Variants in SCCPDH observed in about 807,000 individuals in gnomAD.
The protein encoded by SCCPDH is saccharopine dehydrogenase (putative).
SCCPDH carries 34 observed loss-of-function variants against 51.5 expected under a neutral mutation model. The ratio of observed to expected loss-of-function variants is 0.66; its 90% confidence interval spans 0.50 to 0.88. SCCPDH has a LOEUF of 0.88. Ranked by LOEUF, SCCPDH falls within the 40% of genes least tolerant of loss-of-function variation. SCCPDH has a pLI of 0.00. For missense variants in SCCPDH, 464 were observed against 527.1 expected, an observed-to-expected ratio of 0.88 and a Z score of 1.17; for synonymous variants, 187 against 191.3, an observed-to-expected ratio of 0.98 and a Z score of 0.19.
chr1:246,740,153 C>T lies in SCCPDH; in HGVS notation c.385-19C>T. 6.5e-7 allele frequency: 1 copy of T among 1,548,588 alleles called. No individual in the cohort carries two copies. Among genetic ancestry groups the T allele is most frequent in the African/African-American group, 1.4e-5 (1 of 73,046 alleles). ...TCTTTCTGCATAACTAATTAAAATT[C>T]TTATCCTGGATTTTTTAGTTTCTGG... On this transcript the variant is annotated intron_variant, in intron 3 of 11. Coordinates refer to ENST00000366510, the MANE Select transcript of SCCPDH (RefSeq NM_016002.3).
intron 5 of SCCPDH, among the ~76,000 whole-genome samples, chr1:246,745,322 A>G (rs1009256813): frequency 1.3e-5 from 2 of 152,268 alleles, no homozygotes; most frequent in Non-Finnish European, 2.9e-5. Context: ...ATTTGTTCTA[A>G]ATTATATTCA....
intron 5 of SCCPDH, among the ~76,000 whole-genome samples, chr1:246,745,950 T>C (rs1417938114): frequency 6.6e-6 from 1 of 151,112 alleles, no homozygotes; most frequent in Non-Finnish European, 1.5e-5. Flanking sequence ...CTACTAAAAA[T>C]ACAAAAAATT....
rs764837526 is a variant in SCCPDH at position 246,767,345 on chromosome 1, G to C, written c.*45G>C. The C allele has an allele frequency of 8.8e-7, 1 of 1,135,938 alleles. No individual in the cohort carries two copies. The highest frequency in any genetic ancestry group is 2.7e-5 in the East Asian group (1 of 37,122). The allele number at this position is 1,135,938 out of a possible 1,614,324, so 70.4% of individuals were successfully genotyped here. ...AAGTCATAACGTGCGTGAATTAACA[G>C]CTTCTCTATTTGATATTTGAAATTC... On this transcript the variant is annotated 3_prime_UTR_variant, in exon 12 of 12. Transcript: ENST00000366510.
rs748923863 is a variant in SCCPDH, at chr1:246,740,229, A to G, written c.442A>G (p.Ile148Val). The change falls in exon 4 of 12, where the codon ATC becomes GTC. Residue 148 changes from isoleucine (I) to valine (V), a missense_variant. Coordinates refer to ENST00000366510, the MANE Select transcript of SCCPDH (RefSeq NM_016002.3). ...GAAAGCTGCAGACAAAGGGGTTTAT[A>G]TCATTGGAAGCAGCGGCTTTGACTC... The part of the protein sequence containing the change: ...HEKAADKGVY[I>V]IGSSGFDSIP... The G allele has an allele frequency of 1.2e-6, 2 of 1,610,410 alleles. No homozygotes were observed. The highest frequency in any genetic ancestry group is 2.7e-5 in the African/African-American group (2 of 74,916).
chr1:246,762,055 T>A (rs796827106), intron 9 of SCCPDH, among the ~76,000 whole-genome samples: 10 of 152,362 alleles, frequency 6.6e-5, no homozygotes, highest in African/African-American at 2.4e-4. Context: ...CCGACATCTG[T>A]TATTTTCTGT....
chr1:246,759,106 A>C lies in SCCPDH; in HGVS notation c.768A>C (p.Val256=). The change falls in exon 7 of 12, where the codon GTA becomes GTC. Residue 256 remains valine, a synonymous_variant. Coordinates refer to ENST00000366510, the MANE Select transcript of SCCPDH (RefSeq NM_016002.3). ...TTATGGGATCTGATGTGTCTGTTGT[A>C]AGGAGGACTCAACGTTACTTGTATG... ...IPFMGSDVSV[V]RRTQRYLYEN... 6.2e-7 allele frequency: 1 copy of C among 1,608,962 alleles called. No individual in the cohort carries two copies.
intron 4 of SCCPDH, 117 bp downstream of exon 4, chr1:246,740,418 A>G (rs1167909457): frequency 6.3e-6 from 5 of 788,212 alleles, no homozygotes; most frequent in Admixed American, 2.7e-5. Flanking sequence ...ATAAATGGGT[A>G]ATATTAAACA....
intron 1 of SCCPDH, 34 bp downstream of exon 1, chr1:246,724,646 C>T (rs1668359877): frequency 1.4e-6 from 2 of 1,424,338 alleles, no homozygotes; most frequent in Non-Finnish European, 1.8e-6. Context: ...GCTGCGCGGG[C>T]GGCTGGGCCG....
Position 246,724,415 on chromosome 1 carries a change from G to T in SCCPDH, c.-8G>T, listed in dbSNP as rs761760831. 1.9e-6 allele frequency: 3 copies of T among 1,558,600 alleles called. No homozygotes were observed. The highest frequency in any genetic ancestry group is 1.2e-5 in the South Asian group (1 of 84,592). On this transcript the variant is annotated 5_prime_UTR_variant, in exon 1 of 12. Transcript: ENST00000366510. ...CGCCCCGGGGCCTGGGCTCGCTGTG[G>T]ACTCGTCATGGCGACCGAGCAGAGG... is the stretch of plus-strand genomic sequence containing the variant.
At chr1:246,766,035 C>T in intron 10 of SCCPDH, 23 bp from the exon 11 acceptor site, 2 of 1,532,790 alleles carry the variant, frequency 1.3e-6, no homozygotes, top group Non-Finnish European at 1.8e-6. Flanking sequence ...CTTTCTTTTT[C>T]CCTGATCAAC....
Position 246,766,045 on chromosome 1 carries a change from CT to C in SCCPDH, c.1103-12del. ...GATTCCTTTCTTTTTCCCTGATCAA[CT>C]GTTTTCTGCAGAGGCTGGCTATGTG... On this transcript the variant is annotated splice_polypyrimidine_tract_variant and intron_variant, in intron 10 of 11. Transcript: ENST00000366510. 8 of 1,581,772 alleles carry C rather than the reference CT, an allele frequency of 5.1e-6. No individual in the cohort carries two copies. Among genetic ancestry groups the C allele is most frequent in the Non-Finnish European group, 6.9e-6 (8 of 1,161,830 alleles).
In SCCPDH at chr1:246,740,372, G is replaced by C. The variant is rs141880170; in HGVS notation, c.514+71G>C. On this transcript the variant is annotated intron_variant, in intron 4 of 11. Coordinates refer to ENST00000366510, the MANE Select transcript of SCCPDH (RefSeq NM_016002.3). ...CAAAGGCTTCATGTTTCTAACTGTGGTGAACTAAAATCTAGTTGAAAAAAG... is the reference window on the plus strand; with the variant it reads ...CAAAGGCTTCATGTTTCTAACTGTGCTGAACTAAAATCTAGTTGAAAAAAG... 1.8e-4 allele frequency: 240 copies of C among 1,330,612 alleles called. 1 individual carries two copies. In the East Asian group the frequency reaches 5.7e-3, roughly 31 times the overall value. 82.4% of individuals were successfully genotyped at this position (1,330,612 alleles called of 1,614,324 possible). A position where few individuals can be genotyped will look rare whatever the true frequency, so the allele number is the denominator to read the frequency against.
At chr1:246,739,761 C>T (rs192312302) in intron 3 of SCCPDH, among the ~76,000 whole-genome samples, 1 of 152,272 alleles carries the variant, frequency 6.6e-6, no homozygotes, top group Admixed American at 6.5e-5. Flanking sequence ...CATTATTCCC[C>T]TGTGCCCTCT....
chr1:246,732,621 CA>C (rs1400433346), intron 2 of SCCPDH, among the ~76,000 whole-genome samples: 5 of 152,166 alleles, frequency 3.3e-5, no homozygotes, highest in African/African-American at 1.2e-4. Flanking sequence ...CTCCTGACCT[CA>C]GGTGATCCAC....
intron 2 of SCCPDH, among the ~76,000 whole-genome samples, chr1:246,733,513 CT>C (rs1668525469): frequency 6.7e-6 from 1 of 150,284 alleles, no homozygotes; most frequent in African/African-American, 2.5e-5. Flanking sequence ...CACACACACA[CT>C]TTTTTTCTTA....
At chr1:246,730,643 G>C (rs1400063052) in intron 2 of SCCPDH, among the ~76,000 whole-genome samples, 1 of 152,220 alleles carries the variant, frequency 6.6e-6, no homozygotes, top group Non-Finnish European at 1.5e-5. Flanking sequence ...ACCGTTAACG[G>C]AACGTCATGT....
chr1:246,763,935 G>C (rs535996420), intron 9 of SCCPDH, among the ~76,000 whole-genome samples: 1 of 151,578 alleles, frequency 6.6e-6, no homozygotes. Context: ...TTGTCTTGTC[G>C]CCTCAAATAG....
chr1:246,767,135 G>C lies in SCCPDH; in HGVS notation c.1185-60G>C, dbSNP rs184131024. On this transcript the variant is annotated intron_variant, in intron 11 of 11. Coordinates refer to ENST00000366510, the MANE Select transcript of SCCPDH (RefSeq NM_016002.3). ...CTGTAGCAATTTGATAGTGAGGCCTGTGAAATAGGAGACTGGAGAGGAGCT... is the reference window on the plus strand; with the variant it reads ...CTGTAGCAATTTGATAGTGAGGCCTCTGAAATAGGAGACTGGAGAGGAGCT... 5 of 1,208,918 alleles carry C rather than the reference G, an allele frequency of 4.1e-6. No individual in the cohort carries two copies. In the African/African-American group the frequency reaches 7.7e-5, roughly 19 times the overall value. The allele number at this position is 1,208,918 out of a possible 1,614,324, so 74.9% of individuals were successfully genotyped here. A position where few individuals can be genotyped will look rare whatever the true frequency, so the allele number is the denominator to read the frequency against.
At position 246,724,567 on chromosome 1, in the gene SCCPDH, C is replaced by G; in HGVS notation, c.145C>G (p.Arg49Gly). 6.5e-7 allele frequency: 1 copy of G among 1,535,022 alleles called. No homozygotes were observed. The highest frequency in any genetic ancestry group is 8.7e-7 in the Non-Finnish European group (1 of 1,143,494). ...RLPWAVAGRS[R>G]EKLQRVLEKA... ...GCCCTGGGCCGTGGCGGGCCGCTCC[C>G]GGGAGAAGCTGCAGCGGGTGCTGGA... The change falls in exon 1 of 12, where the codon CGG becomes GGG. Residue 49 changes from arginine (R) to glycine (G), a missense_variant. Transcript: ENST00000366510.
Sources: allele counts gnomAD v4.1 joint callset (sites outside exome capture counted in the v4.1 genomes callset), GRCh38; gene constraint gnomAD v4.1.1; transcripts MANE v1.5; gene names NCBI Gene and HGNC (gene_info 2026-07-23, HGNC 2026-07-21).